The following DNAH3 variants were observed in gnomAD, a reference collection of about 807,000 sequenced individuals.
DNAH3 encodes the protein axonemal beta dynein heavy chain 3.
DNAH3 carries 332 observed loss-of-function variants against 432.5 expected under a neutral mutation model. That is an observed-to-expected ratio of 0.77 (90% CI 0.70 to 0.84). The LOEUF (loss-of-function observed/expected upper bound fraction) is 0.84. Ranked by LOEUF, DNAH3 falls within the 40% of genes least tolerant of loss-of-function variation. The pLI is 0.00. For synonymous variants in DNAH3, 1,956 were observed against 1,900.2 expected, an observed-to-expected ratio of 1.03 and a Z score of -0.76; for missense variants, 4,861 against 5,114.0, an observed-to-expected ratio of 0.95 and a Z score of 1.51.
intron 10 of DNAH3, chr16:21,121,175 C>A: frequency 4.6e-6 from 2 of 435,624 alleles, no homozygotes; most frequent in Non-Finnish European, 8.7e-6. Flanking sequence ...CTATATGGAA[C>A]TGGACAATGG....
At chr16:21,119,621 A>G (rs2152810743) in intron 11 of DNAH3, among the ~76,000 whole-genome samples, 4 of 146,018 alleles carry the variant, frequency 2.7e-5, no homozygotes, top group African/African-American at 7.7e-5. Context: ...TTTGAGATGG[A>G]GTTTCACTCT....
At chr16:20,943,559 C>T (rs1224419670) in intron 58 of DNAH3, among the ~76,000 whole-genome samples, 2 of 152,138 alleles carry the variant, frequency 1.3e-5, no homozygotes, top group African/African-American at 4.8e-5. Context: ...TCTTTTCATT[C>T]CTCTCAAAAA....
At chr16:21,035,743 TC>T (rs2089136682) in intron 35 of DNAH3, among the ~76,000 whole-genome samples, 2 of 152,136 alleles carry the variant, frequency 1.3e-5, no homozygotes, top group African/African-American at 4.8e-5. Context: ...AAATTGGGGT[TC>T]AAAATTGGGT....
chr16:20,996,583 C>T (rs2086771809), intron 44 of DNAH3, among the ~76,000 whole-genome samples: 2 of 152,176 alleles, frequency 1.3e-5, no homozygotes, highest in Non-Finnish European at 2.9e-5. Flanking sequence ...CCTCAGCCTC[C>T]CAAGTAGCTG....
chr16:21,050,314 T>C (rs962958450), intron 29 of DNAH3, among the ~76,000 whole-genome samples: 1 of 152,200 alleles, frequency 6.6e-6, no homozygotes, highest in East Asian at 1.9e-4. Context: ...TTTGAATGAA[T>C]AAATGAATAC....
intron 1 of DNAH3, among the ~76,000 whole-genome samples, chr16:21,156,077 G>T (rs2092895223): frequency 6.6e-6 from 1 of 152,106 alleles, no homozygotes; most frequent in South Asian, 2.1e-4. Flanking sequence ...TCCAGTGAAG[G>T]CCCCCTTCCA....
Position 20,939,956 on chromosome 16 carries a change from G to A in DNAH3, c.11654+1445C>T, listed in dbSNP as rs183632825. Among the ~76,000 whole-genome samples, 35 of 152,298 alleles carry A rather than the reference G, an allele frequency of 2.3e-4. No homozygotes were observed. In the East Asian group the frequency reaches 2.7e-3, roughly 12 times the overall value. ...AAATCAAATCCAGGTGATCCCACTG[G>A]GCTCCATGCTGTAGTAACTGGAGAA... is the stretch of plus-strand genomic sequence containing the variant. On this transcript the variant is annotated intron_variant, in intron 59 of 61. Transcript: ENST00000261383.
chr16:20,978,729 T>G (rs1329385827), intron 50 of DNAH3, among the ~76,000 whole-genome samples: 13 of 152,068 alleles, frequency 8.5e-5, no homozygotes, highest in African/African-American at 3.1e-4. Flanking sequence ...TTTGTAGAGA[T>G]GGGGTCTTGC....
intron 18 of DNAH3, among the ~76,000 whole-genome samples, chr16:21,089,406 G>A (rs2091468671): frequency 6.6e-6 from 1 of 152,144 alleles, no homozygotes; most frequent in African/African-American, 2.4e-5. Context: ...TAACAGCAGA[G>A]TACACATTCT....
exon 57 of DNAH3, chr16:20,948,555 C>T: frequency 6.2e-7 from 1 of 1,614,122 alleles, no homozygotes; most frequent in Non-Finnish European, 8.5e-7. Context: ...CCTCAATTTC[C>T]TTACAGTAGA....
At chr16:21,146,901 C>T (rs1183684885) in intron 1 of DNAH3, among the ~76,000 whole-genome samples, 5 of 151,814 alleles carry the variant, frequency 3.3e-5, no homozygotes, top group Non-Finnish European at 7.4e-5. Flanking sequence ...GCTGGGATTA[C>T]AGGTGACTGC....
intron 56 of DNAH3, among the ~76,000 whole-genome samples, chr16:20,950,620 G>A (rs1823976593): frequency 6.6e-6 from 1 of 152,264 alleles, no homozygotes; most frequent in Middle Eastern, 3.4e-3. Flanking sequence ...ACGTGCCTGG[G>A]GAAGGGATTC....
chr16:21,010,888 G>GTT (rs200472753), intron 41 of DNAH3, among the ~76,000 whole-genome samples: 19 of 138,838 alleles, frequency 1.4e-4, no homozygotes, highest in African/African-American at 3.6e-4. Flanking sequence ...GCCAAAACCT[G>GTT]TTTTTTTTTT....
intron 52 of DNAH3, among the ~76,000 whole-genome samples, chr16:20,968,673 TCC>T (rs1192181028): frequency 6.6e-6 from 1 of 151,616 alleles, no homozygotes; most frequent in East Asian, 1.9e-4. Context: ...TGTTCATCTG[TCC>T]CTCTCTCTCT....
intron 58 of DNAH3, 83 bp from the exon 59 acceptor site, chr16:20,941,626 C>T: frequency 6.6e-7 from 1 of 1,517,050 alleles, no homozygotes; most frequent in Admixed American, 1.9e-5. Context: ...TACTGAGCAT[C>T]TGACTTTTCA....
chr16:21,042,042 C>CAG lies in DNAH3; in HGVS notation c.4621_4622dup (p.Pro1542CysfsTer14). On this transcript the variant is annotated frameshift_variant, in exon 32 of 62. Transcript: ENST00000261383. LOFTEE classifies it high-confidence loss of function. The stretch of plus-strand genomic sequence containing the variant: ...TGGCATTTACCTTGAGATTGTCGGG[C>CAG]AGTTCAGCCCTGCCAGCATACCCGG... 1 of 1,613,912 alleles carries CAG rather than the reference C, an allele frequency of 6.2e-7. No homozygotes were observed. The highest frequency in any genetic ancestry group is 8.5e-7 in the Non-Finnish European group (1 of 1,179,970).
intron 7 of DNAH3, among the ~76,000 whole-genome samples, chr16:21,132,232 A>G (rs1035138366): frequency 6.6e-6 from 1 of 152,184 alleles, no homozygotes; most frequent in African/African-American, 2.4e-5. Context: ...TCTCCAAGCC[A>G]CAGGGCTCCC....
At chr16:20,992,920 T>C (rs2086618483) in intron 44 of DNAH3, among the ~76,000 whole-genome samples, 1 of 152,082 alleles carries the variant, frequency 6.6e-6, no homozygotes, top group Admixed American at 6.6e-5. Context: ...GGCTGGAGCG[T>C]AGTGGTGTGG....
At chr16:21,056,013 C>T (rs908644712) in intron 27 of DNAH3, among the ~76,000 whole-genome samples, 1 of 152,184 alleles carries the variant, frequency 6.6e-6, no homozygotes, top group East Asian at 1.9e-4. Context: ...ATTGGGATTA[C>T]AGGCATGAGC....
Sources: gnomAD v4.1 joint callset for allele counts (sites outside exome capture counted in the v4.1 genomes callset) on GRCh38, gnomAD v4.1.1 for gene constraint, MANE v1.5 for transcripts, NCBI Gene and HGNC (gene_info 2026-07-23, HGNC 2026-07-21) for gene names.